Variants in CALN1 observed in about 807,000 individuals in gnomAD.
CALN1 encodes the protein calneuron 1.
Under a neutral mutation model 30.6 loss-of-function variants are expected in CALN1, and 17 were observed. That is an observed-to-expected ratio of 0.56 (90% confidence interval 0.38 to 0.83). CALN1 has a LOEUF of 0.83. CALN1 is among the 40% of genes least tolerant of loss of function. The pLI is 0.00. For synonymous variants in CALN1, 156 were observed against 131.4 expected, an observed-to-expected ratio of 1.19 and a Z score of -1.28; for missense variants, 291 against 354.9, an observed-to-expected ratio of 0.82 and a Z score of 1.45.
intron 5 of CALN1, among the ~76,000 whole-genome samples, chr7:71,931,601 G>A (rs550883176): frequency 7.7e-4 from 118 of 152,346 alleles, no homozygotes; most frequent in Non-Finnish European, 1.6e-3. Context: ...TACGAAAACA[G>A]GTAGTGAGTT....
chr7:72,386,559 T>C (rs190206494), intron 2 of CALN1, among the ~76,000 whole-genome samples: 132 of 152,330 alleles, frequency 8.7e-4, no homozygotes, highest in African/African-American at 2.9e-3. Flanking sequence ...AGTGGGGGTT[T>C]CCAGTAAACA....
intron 5 of CALN1, among the ~76,000 whole-genome samples, chr7:71,967,974 G>C (rs1048421978): frequency 6.6e-6 from 1 of 152,148 alleles, no homozygotes; most frequent in Admixed American, 6.5e-5. Flanking sequence ...AAACATTTTG[G>C]CATCTCTGTA....
At chr7:72,386,943 T>A (rs1805242993) in intron 2 of CALN1, among the ~76,000 whole-genome samples, 1 of 151,862 alleles carries the variant, frequency 6.6e-6, no homozygotes, top group African/African-American at 2.4e-5. Context: ...ATACATATAT[T>A]TCATTATTCC....
intron 5 of CALN1, among the ~76,000 whole-genome samples, chr7:72,009,791 G>GT (rs1799968253): frequency 6.6e-6 from 1 of 152,144 alleles, no homozygotes; most frequent in African/African-American, 2.4e-5. Context: ...CTGCCACCAT[G>GT]TAAGACATGC....
chr7:72,138,916 A>G (rs1204050295), intron 3 of CALN1, among the ~76,000 whole-genome samples: 1 of 152,192 alleles, frequency 6.6e-6, no homozygotes, highest in Admixed American at 6.5e-5. Flanking sequence ...CATTCAATGA[A>G]AAACAAAATA....
Position 72,338,523 on chromosome 7 carries a change from GTGTGTC to G in CALN1, c.120-59719_120-59714del, listed in dbSNP as rs1416939319. Among the ~76,000 whole-genome samples, 233 of 146,304 alleles carry G rather than the reference GTGTGTC, an allele frequency of 1.6e-3. 4 individuals carry two copies. The highest frequency in any genetic ancestry group is 6.0e-3 in the African/African-American group (228 of 37,828). Reference sequence around the variant, plus strand: ...TGTGTGTGTGTGTGTGTGTGTGTGTGTGTGTCTCACCTGGGTGTGGTTTCAGAGTCC... The same window carrying G: ...TGTGTGTGTGTGTGTGTGTGTGTGTGTCACCTGGGTGTGGTTTCAGAGTCC... On this transcript the variant is annotated intron_variant, in intron 2 of 6. Coordinates refer to ENST00000395275, the MANE Select transcript of CALN1 (RefSeq NM_031468.4).
chr7:72,249,102 G>C (rs1240653540), intron 3 of CALN1, among the ~76,000 whole-genome samples: 1 of 152,166 alleles, frequency 6.6e-6, no homozygotes, highest in Non-Finnish European at 1.5e-5. Flanking sequence ...AAGGCAACTA[G>C]ACATCGCAGA....
chr7:71,972,244 C>T (rs762549547), intron 5 of CALN1, among the ~76,000 whole-genome samples: 12 of 152,094 alleles, frequency 7.9e-5, no homozygotes, highest in Non-Finnish European at 1.5e-4. Flanking sequence ...ACATTCAATT[C>T]GTTCTGAACA....
intron 2 of CALN1, among the ~76,000 whole-genome samples, chr7:72,369,994 A>C (rs1297696593): frequency 6.6e-6 from 1 of 152,124 alleles, no homozygotes; most frequent in Admixed American, 6.5e-5. Context: ...TAGAAATGTA[A>C]TGTACATCAT....
intron 5 of CALN1, among the ~76,000 whole-genome samples, chr7:71,946,789 T>G (rs570585840): frequency 4.0e-4 from 61 of 152,272 alleles, no homozygotes; most frequent in African/African-American, 1.4e-3. Flanking sequence ...TGACACGGTC[T>G]GGAATCAGGA....
intron 2 of CALN1, among the ~76,000 whole-genome samples, chr7:72,351,791 A>G (rs1354353078): frequency 6.6e-6 from 1 of 152,228 alleles, no homozygotes; most frequent in Non-Finnish European, 1.5e-5. Context: ...ATGAAACAAA[A>G]AAGAAATAGC....
chr7:72,196,119 CTT>C (rs879574482), intron 3 of CALN1, among the ~76,000 whole-genome samples: 1 of 143,344 alleles, frequency 7.0e-6, no homozygotes. Context: ...TTTTTCTTTT[CTT>C]TTTTTTTTTT....
At chr7:72,060,767 C>T (rs1803591296) in intron 4 of CALN1, among the ~76,000 whole-genome samples, 1 of 152,060 alleles carries the variant, frequency 6.6e-6, no homozygotes, top group African/African-American at 2.4e-5. Context: ...TGGGATCTCC[C>T]CCGTCTCTCA....
At chr7:72,001,123 G>A (rs1016309878) in intron 5 of CALN1, among the ~76,000 whole-genome samples, 1 of 152,128 alleles carries the variant, frequency 6.6e-6, no homozygotes, top group Non-Finnish European at 1.5e-5. Flanking sequence ...ATCAGGGAAA[G>A]GCAGTCTCTA....
rs567599728 is a variant in CALN1 at position 72,397,036 on chromosome 7, A to G, written c.119+6215T>C. ...AGCAATCCTCCCCCCTCAGCCTCCA[A>G]AGTGGCTAGGACTACAGGCATCCAC... On this transcript the variant is annotated intron_variant, in intron 2 of 6. Coordinates refer to ENST00000395275, the MANE Select transcript of CALN1 (RefSeq NM_031468.4). 7.2e-5 allele frequency among the ~76,000 whole-genome samples: 11 copies of G among 152,020 alleles called. No individual in the cohort carries two copies. The South Asian group carries it at 2.3e-3, about 32-fold the overall frequency.
intron 3 of CALN1, among the ~76,000 whole-genome samples, chr7:72,159,234 CA>C (rs1787933836): frequency 6.6e-6 from 1 of 152,146 alleles, no homozygotes; most frequent in Non-Finnish European, 1.5e-5. Flanking sequence ...CTGTTTATTG[CA>C]ATCAATAATG....
chr7:72,453,306 G>A, the CALN1 span, among the ~76,000 whole-genome samples: 2 of 152,222 alleles, frequency 1.3e-5, no homozygotes, highest in Non-Finnish European at 2.9e-5. Context: ...CACAGTGTGT[G>A]GAGAGTATCA....
intron 3 of CALN1, among the ~76,000 whole-genome samples, chr7:72,107,651 A>G (rs1190077054): frequency 6.6e-6 from 1 of 152,184 alleles, no homozygotes; most frequent in Non-Finnish European, 1.5e-5. Context: ...ATTGTTTCTG[A>G]GCACACCAGA....
At chr7:72,117,953 G>A (rs531098073) in intron 3 of CALN1, among the ~76,000 whole-genome samples, 6 of 132,492 alleles carry the variant, frequency 4.5e-5, no homozygotes, top group African/African-American at 9.1e-5. Context: ...GCGAGACACC[G>A]TCTCAAAAAA....
Sources: gnomAD v4.1 joint callset for allele counts (sites outside exome capture counted in the v4.1 genomes callset) on GRCh38, gnomAD v4.1.1 for gene constraint, MANE v1.5 for transcripts, NCBI Gene and HGNC (gene_info 2026-07-23, HGNC 2026-07-21) for gene names.